The following TFCP2L1 variants were observed in gnomAD, a reference collection of about 807,000 sequenced individuals.
TFCP2L1 encodes the protein transcription factor CP2 like 1.
A neutral mutation model predicts 72.2 loss-of-function variants in TFCP2L1; 12 were observed. The ratio of observed to expected loss-of-function variants is 0.17; its 90% CI spans 0.11 to 0.27. The LOEUF is 0.27. Among genes scored for constraint, TFCP2L1 ranks in the 10% least tolerant of loss-of-function variants. The pLI, the probability that TFCP2L1 is intolerant of heterozygous loss-of-function variation, is 1.00. For missense variants in TFCP2L1, 488 were observed against 624.6 expected (o/e 0.78, Z 2.33); for synonymous variants, 260 against 251.0 (o/e 1.04, Z -0.34).
chr2:121,253,314 G>A (rs1198373436), intron 2 of TFCP2L1, among the ~76,000 whole-genome samples: 1 of 152,164 alleles, frequency 6.6e-6, no homozygotes, highest in Admixed American at 6.6e-5. Flanking sequence ...CTCTCATCCT[G>A]CCCACTTGCC....
At chr2:121,280,346 C>T (rs1004997259) in intron 2 of TFCP2L1, among the ~76,000 whole-genome samples, 6 of 152,134 alleles carry the variant, frequency 3.9e-5, no homozygotes, top group South Asian at 2.1e-4. Flanking sequence ...AACCCTGCTC[C>T]GGTGCTGCGC....
chr2:121,248,336 C>A, intron 4 of TFCP2L1, 66 bp from the exon 5 acceptor site: 2 of 1,336,080 alleles, frequency 1.5e-6, no homozygotes, highest in Admixed American at 4.2e-5. Context: ...TAGGGAAAGA[C>A]CCCTGTTACA....
chr2:121,259,563 A>G (rs947022917), intron 2 of TFCP2L1, among the ~76,000 whole-genome samples: 1 of 152,248 alleles, frequency 6.6e-6, no homozygotes, highest in African/African-American at 2.4e-5. Context: ...ATAGTTTGAA[A>G]TTGAAAATTA....
intron 2 of TFCP2L1, among the ~76,000 whole-genome samples, chr2:121,274,726 C>G (rs1687111890): frequency 6.6e-6 from 1 of 151,794 alleles, no homozygotes; most frequent in African/African-American, 2.4e-5. Context: ...AGGAGGATTG[C>G]TTGAGCTCAG....
intron 2 of TFCP2L1, among the ~76,000 whole-genome samples, chr2:121,263,164 G>A (rs79032711): frequency 0.012 from 1,766 of 152,172 alleles, 49 homozygotes; most frequent in African/African-American, 0.041. Context: ...CGAACTTTCC[G>A]ACCTCAGGTG....
At chr2:121,264,392 G>C (rs1485299787) in intron 2 of TFCP2L1, among the ~76,000 whole-genome samples, 2 of 152,224 alleles carry the variant, frequency 1.3e-5, no homozygotes, top group African/African-American at 4.8e-5. Flanking sequence ...TCTGGCTGCA[G>C]AGTGGAAATG....
chr2:121,266,635 T>C (rs1364489443), intron 2 of TFCP2L1, among the ~76,000 whole-genome samples: 1 of 152,176 alleles, frequency 6.6e-6, no homozygotes, highest in Non-Finnish European at 1.5e-5. Context: ...AGATGGGTCA[T>C]CAAGTCACGA....
chr2:121,269,920 T>G (rs75923548), intron 2 of TFCP2L1, among the ~76,000 whole-genome samples: 1 of 27,822 alleles, frequency 3.6e-5, no homozygotes, highest in African/African-American at 8.2e-5. Flanking sequence ...AAAAAAAAAA[T>G]ATATATATAT....
intron 1 of TFCP2L1, 79 bp from the exon 2 acceptor site, chr2:121,281,350 C>T (rs760387794): frequency 1.2e-5 from 18 of 1,483,382 alleles, no homozygotes; most frequent in Middle Eastern, 1.8e-4. Context: ...GCTAGAGAGA[C>T]GACGCAGACC....
intron 1 of TFCP2L1, 41 bp from the exon 2 acceptor site, chr2:121,281,312 G>C (rs753177254): frequency 1.3e-6 from 2 of 1,551,866 alleles, no homozygotes; most frequent in Admixed American, 4.0e-5. Context: ...CAGAGCCCCA[G>C]GGGGCTCCTG....
chr2:121,281,795 C>A (rs1687268397), intron 1 of TFCP2L1, among the ~76,000 whole-genome samples: 1 of 152,116 alleles, frequency 6.6e-6, no homozygotes, highest in African/African-American at 2.4e-5. Flanking sequence ...TCCCTGAGTA[C>A]CCAGGTTGAG....
At chr2:121,229,499 T>G (rs13385743) in intron 13 of TFCP2L1, among the ~76,000 whole-genome samples, 3,014 of 152,256 alleles carry the variant, frequency 0.02, 117 homozygotes, top group African/African-American at 0.067. Context: ...CTCTGGCAGT[T>G]TAATGACAAG....
chr2:121,282,777 C>A (rs909848128), intron 1 of TFCP2L1, among the ~76,000 whole-genome samples: 1 of 152,198 alleles, frequency 6.6e-6, no homozygotes, highest in African/African-American at 2.4e-5. Context: ...AACAGAGTCA[C>A]TGGTACAATC....
At chr2:121,263,188 G>A (rs934339570) in intron 2 of TFCP2L1, among the ~76,000 whole-genome samples, 1 of 151,926 alleles carries the variant, frequency 6.6e-6, no homozygotes, top group East Asian at 1.9e-4. Flanking sequence ...TGCCTGCCTC[G>A]GCCTCCCAAA....
chr2:121,237,714 G>T lies in TFCP2L1; in HGVS notation c.912C>A (p.His304Gln), dbSNP rs777622009. 11 of 1,614,224 alleles carry T rather than the reference G, an allele frequency of 6.8e-6. No individual in the cohort carries two copies. Among genetic ancestry groups the T allele is most frequent in the Non-Finnish European group, 8.5e-6 (10 of 1,180,052 alleles). Reference sequence around the variant, plus strand: ...CCTGGATCGAAGCTGATGGGAGCAGGTGCTGTGAGCAGAGGGGAGAGGCCT... The same window carrying T: ...CCTGGATCGAAGCTGATGGGAGCAGTTGCTGTGAGCAGAGGGGAGAGGCCT... The part of the protein sequence containing the change: ...PVEALPVGSD[H>Q]LLPSASIQDA... The change falls in exon 10 of 15, where the codon CAC (histidine) becomes CAA (glutamine). Residue 304 changes from histidine (H) to glutamine (Q), a missense_variant and splice_region_variant. His to Gln is a conservative substitution (Grantham distance 24, BLOSUM62 0). Transcript: ENST00000263707.
At position 121,247,111 on chromosome 2, in the gene TFCP2L1, ACT is replaced by A. The variant is rs1686504825; in HGVS notation, c.505-143_505-142del. ...CCTCGACCTCCCTGCTTTCCCTGAC[ACT>A]CTGTCCACTCCATCAGGCCGGTGGC... On this transcript the variant is annotated intron_variant, in intron 5 of 14. Coordinates refer to ENST00000263707, the MANE Select transcript of TFCP2L1 (RefSeq NM_014553.3). 9.3e-6 allele frequency: 9 copies of A among 965,232 alleles called. No individual in the cohort carries two copies. In the East Asian group the frequency reaches 1.6e-4, roughly 17 times the overall value. The allele number at this position is 965,232 out of a possible 1,614,324, so 59.8% of individuals were successfully genotyped here.
intron 8 of TFCP2L1, among the ~76,000 whole-genome samples, chr2:121,238,397 G>T (rs910055529): frequency 6.6e-6 from 1 of 152,164 alleles, no homozygotes; most frequent in Non-Finnish European, 1.5e-5. Flanking sequence ...CTCCCGAGAG[G>T]GGGTGCACAA....
rs1685875092 is a variant in TFCP2L1 at position 121,218,593 on chromosome 2, G to T, written c.*5748C>A. ...GGCCCTTCGCTGGGGGACATGGTTT[G>T]GTTTCCCCATCGCCAGGCTGGCCAG... On this transcript the variant is annotated 3_prime_UTR_variant, in exon 15 of 15. Coordinates refer to ENST00000263707, the MANE Select transcript of TFCP2L1 (RefSeq NM_014553.3). 1 of 152,362 alleles carries T rather than the reference G, an allele frequency of 6.6e-6. No homozygotes were observed. Among genetic ancestry groups the T allele is most frequent in the African/African-American group, 2.4e-5 (1 of 41,464 alleles). The allele number at this position is 152,362 out of a possible 1,614,324, so 9.4% of individuals were successfully genotyped here. A position where few individuals can be genotyped will look rare whatever the true frequency, so the allele number is the denominator to read the frequency against.
At chr2:121,257,950 A>G (rs1686760468) in intron 2 of TFCP2L1, among the ~76,000 whole-genome samples, 1 of 152,020 alleles carries the variant, frequency 6.6e-6, no homozygotes, top group African/African-American at 2.4e-5. Context: ...CCACCAGTTC[A>G]CCCGAACCAG....
Sources: allele counts gnomAD v4.1 joint callset (sites outside exome capture counted in the v4.1 genomes callset), GRCh38; gene constraint gnomAD v4.1.1; transcripts MANE v1.5; gene names NCBI Gene and HGNC (gene_info 2026-07-23, HGNC 2026-07-21).